EYA4: variants seen among roughly 807,000 people sequenced by gnomAD.
EYA4 encodes protein phosphatase EYA4.
Under a neutral mutation model 87.9 loss-of-function variants are expected in EYA4, and 31 were observed. The ratio of observed to expected loss-of-function variants is 0.35; its 90% CI spans 0.27 to 0.48. The LOEUF is 0.48. Among genes scored for constraint, EYA4 ranks in the 20% least tolerant of loss-of-function variants. The pLI, the probability that EYA4 is intolerant of heterozygous loss-of-function variation, is 0.99. For synonymous variants in EYA4, 263 were observed against 270.6 expected, an observed-to-expected ratio of 0.97 and a Z score of 0.28; for missense variants, 678 against 761.4, an observed-to-expected ratio of 0.89 and a Z score of 1.29.
chr6:133,439,444 G>A (rs184768336), intron 3 of EYA4: 1 of 152,192 alleles, frequency 6.6e-6, no homozygotes, highest in Non-Finnish European at 1.5e-5. Context: ...TACTTTTTCA[G>A]GCAGCTTTGC....
At chr6:133,377,564 GT>G (rs145391738) in intron 2 of EYA4, among the ~76,000 whole-genome samples, 14,224 of 115,934 alleles carry the variant, frequency 0.12, 634 homozygotes, top group East Asian at 0.14. Flanking sequence ...TTTCACATTA[GT>G]TTTTTTTTTT....
At chr6:133,458,855 A>G (rs1471014566) in intron 6 of EYA4, among the ~76,000 whole-genome samples, 3 of 152,136 alleles carry the variant, frequency 2.0e-5, no homozygotes, top group Admixed American at 2.0e-4. Flanking sequence ...ATGTATTTAA[A>G]TTAATTTTCA....
chr6:133,273,098 T>TATATATATATATATAAATAA (rs1776860248), intron 1 of EYA4, among the ~76,000 whole-genome samples: 1 of 83,098 alleles, frequency 1.2e-5, no homozygotes, highest in Admixed American at 1.0e-4. Flanking sequence ...TATATATATG[T>TATATATATATATATAAATAA]ATATATATAT....
intron 2 of EYA4, among the ~76,000 whole-genome samples, chr6:133,294,344 T>G (rs1001982674): frequency 7.0e-5 from 10 of 143,110 alleles, no homozygotes; most frequent in African/African-American, 2.6e-4. Flanking sequence ...GCTCTTTCTG[T>G]TTTTTTTTTG....
intron 1 of EYA4, among the ~76,000 whole-genome samples, chr6:133,269,870 G>A (rs533601827): frequency 6.6e-6 from 1 of 152,190 alleles, no homozygotes; most frequent in South Asian, 2.1e-4. Context: ...CAATCACAGG[G>A]TCCTCCAATA....
intron 1 of EYA4, among the ~76,000 whole-genome samples, chr6:133,259,296 T>C (rs1287101978): frequency 6.6e-6 from 1 of 152,184 alleles, no homozygotes; most frequent in Non-Finnish European, 1.5e-5. Flanking sequence ...ACTCCTAATA[T>C]CTAACAGCCT....
At chr6:133,306,828 G>C (rs891085166) in intron 2 of EYA4, among the ~76,000 whole-genome samples, 8 of 152,176 alleles carry the variant, frequency 5.3e-5, no homozygotes, top group Middle Eastern at 3.4e-3. Flanking sequence ...ACTTGACAGA[G>C]ATCCTCAGTA....
intron 17 of EYA4, among the ~76,000 whole-genome samples, chr6:133,516,722 C>CAA (rs58268978): frequency 0.21 from 25,794 of 122,528 alleles, 2,859 homozygotes; most frequent in African/African-American, 0.33. Flanking sequence ...GACTCTGTCT[C>CAA]AAAAAAAAAA....
rs1010432633 is a variant in EYA4, at chr6:133,373,545, G to C, written c.34-8847G>C. 4.6e-5 allele frequency among the ~76,000 whole-genome samples: 7 copies of C among 151,960 alleles called. No homozygotes were observed. The East Asian group carries it at 1.2e-3, about 25-fold the overall frequency. On this transcript the variant is annotated intron_variant, in intron 2 of 19. Coordinates refer to ENST00000355286, the MANE Select transcript of EYA4 (RefSeq NM_004100.5). The stretch of plus-strand genomic sequence containing the variant: ...TGGTTCACTGCGAAGCTGCACAGTA[G>C]TCAGCAATTTTAATTTCGCTGCAGA...
At position 133,397,720 on chromosome 6, in the gene EYA4, G is replaced by A. The variant is rs564773126; in HGVS notation, c.83+15279G>A. Among the ~76,000 whole-genome samples, 4 of 152,324 alleles carry A rather than the reference G, an allele frequency of 2.6e-5. No homozygotes were observed. The East Asian group carries it at 7.7e-4, about 29-fold the overall frequency. On this transcript the variant is annotated intron_variant, in intron 3 of 19. Transcript: ENST00000355286. ...ACTGGGCAATTTACAAAATAAAGAG[G>A]TTTAATGGACTTACAGCTCCACGTG... is the stretch of plus-strand genomic sequence containing the variant.
intron 2 of EYA4, among the ~76,000 whole-genome samples, chr6:133,351,417 G>A (rs1277488163): frequency 6.6e-6 from 1 of 152,096 alleles, no homozygotes; most frequent in Non-Finnish European, 1.5e-5. Flanking sequence ...CAACTATATA[G>A]TGAGTCCCCA....
chr6:133,483,694 C>T (rs1336676536), intron 13 of EYA4, among the ~76,000 whole-genome samples: 4 of 120,414 alleles, frequency 3.3e-5, no homozygotes, highest in Admixed American at 2.9e-4. Flanking sequence ...TTATTTATTT[C>T]ATTGTTATTA....
intron 1 of EYA4, among the ~76,000 whole-genome samples, chr6:133,267,432 G>T (rs1407939875): frequency 6.6e-6 from 1 of 151,780 alleles, no homozygotes; most frequent in Non-Finnish European, 1.5e-5. Context: ...ACCCAGGCTG[G>T]AGTGCAGTGG....
At chr6:133,481,670 C>G in intron 12 of EYA4, 71 bp downstream of exon 12, 1 of 1,517,300 alleles carries the variant, frequency 6.6e-7, no homozygotes, top group South Asian at 1.1e-5. Context: ...CTCTATCTTA[C>G]AGTTCCATTA....
intron 2 of EYA4, among the ~76,000 whole-genome samples, chr6:133,321,211 T>G (rs548731759): frequency 2.0e-4 from 30 of 152,320 alleles, no homozygotes; most frequent in African/African-American, 7.0e-4. Context: ...TTATAGTCTA[T>G]TATGTTGTAT....
At chr6:133,448,781 A>C (rs906359821) in intron 5 of EYA4, among the ~76,000 whole-genome samples, 2 of 152,220 alleles carry the variant, frequency 1.3e-5, no homozygotes, top group Non-Finnish European at 2.9e-5. Flanking sequence ...ACCTACACAC[A>C]TATAAACAAA....
chr6:133,363,237 C>T (rs1784585953), intron 2 of EYA4: 1 of 152,174 alleles, frequency 6.6e-6, no homozygotes, highest in South Asian at 2.1e-4. Flanking sequence ...GTCTCCTGAC[C>T]AGGAAGAGTT....
intron 2 of EYA4, among the ~76,000 whole-genome samples, chr6:133,295,580 A>T (rs1214447452): frequency 6.6e-6 from 1 of 152,224 alleles, no homozygotes; most frequent in Non-Finnish European, 1.5e-5. Flanking sequence ...AAATATATGT[A>T]TGTATATTTG....
rs1583430127 is a variant in EYA4, at chr6:133,487,042, G to A, written c.1191+3927G>A. ...ACCACCACCCCACACCAGTCTTCCA[G>A]CAGCAGCTGAATGGCACAGAGAGAG... On this transcript the variant is annotated intron_variant, in intron 13 of 19. Transcript: ENST00000355286. 2.6e-5 allele frequency among the ~76,000 whole-genome samples: 4 copies of A among 152,192 alleles called. No individual in the cohort carries two copies. In the South Asian group the frequency reaches 8.3e-4, roughly 31 times the overall value.
Sources: gnomAD v4.1 joint callset for allele counts (sites outside exome capture counted in the v4.1 genomes callset) on GRCh38, gnomAD v4.1.1 for gene constraint, MANE v1.5 for transcripts, NCBI Gene and HGNC (gene_info 2026-07-23, HGNC 2026-07-21) for gene names.